Variants in OCA2 observed in about 807,000 individuals in gnomAD.
The protein encoded by OCA2 is P protein.
Under a neutral mutation model 100.2 loss-of-function variants are expected in OCA2, and 77 were observed. The ratio of observed to expected loss-of-function variants is 0.77; its 90% confidence interval spans 0.64 to 0.93. OCA2 has a LOEUF of 0.93. Among genes scored for constraint, OCA2 ranks in the 40% least tolerant of loss-of-function variants. The pLI, the probability that OCA2 is intolerant of heterozygous loss-of-function variation, is 0.00. For synonymous variants in OCA2, 432 were observed against 439.2 expected, an observed-to-expected ratio of 0.98 and a Z score of 0.21; for missense variants, 1,062 against 1,089.1, an observed-to-expected ratio of 0.98 and a Z score of 0.35.
intron 1 of OCA2, among the ~76,000 whole-genome samples, chr15:28,097,147 T>A (rs2045000761): frequency 6.6e-6 from 1 of 152,182 alleles, no homozygotes; most frequent in Non-Finnish European, 1.5e-5. Context: ...ATGCGCCTCC[T>A]GGCGCCTCAG....
rs573678989 is a variant in OCA2 at position 28,014,855 on chromosome 15, T to C, written c.965A>G (p.Tyr322Cys). 5.0e-6 allele frequency: 8 copies of C among 1,613,814 alleles called. No individual in the cohort carries two copies. In the South Asian group the frequency reaches 8.8e-5, roughly 18 times the overall value. The change falls in exon 9 of 24, where the codon TAC (tyrosine) becomes TGC (cysteine). Residue 322 changes from tyrosine (Y) to cysteine (C), a missense_variant. Physicochemically the swap from Tyr to Cys is radical, Grantham distance 194. Transcript: ENST00000354638. ...QAVPLLMAHQ[Y>C]LRGSVETQVT... ...CTGGGTTTCTACACTTCCGCGGAGGTACTGATGAGCCATCAAAAGAGGGAC... is the reference window on the plus strand; with the variant it reads ...CTGGGTTTCTACACTTCCGCGGAGGCACTGATGAGCCATCAAAAGAGGGAC...
chr15:27,811,220 G>A lies in OCA2; in HGVS notation c.2432+33739C>T, dbSNP rs372589094. On this transcript the variant is annotated intron_variant, in intron 23 of 23. Transcript: ENST00000354638. ...AAAAAATGTCTTTTGCAGCTACTTG[G>A]ATGGAGCTGGAGGCCATTATTCTAA... Among the ~76,000 whole-genome samples the A allele has an allele frequency of 4.8e-3, 732 of 152,272 alleles. 1 individual carries two copies. The highest frequency in any genetic ancestry group is 7.5e-3 in the Non-Finnish European group (513 of 68,020).
chr15:27,934,404 A>G (rs2140441248), intron 18 of OCA2, among the ~76,000 whole-genome samples: 1 of 152,292 alleles, frequency 6.6e-6, no homozygotes, highest in Non-Finnish European at 1.5e-5. Flanking sequence ...CAGAAGACAA[A>G]CAGACACTTG....
chr15:27,997,361 G>A (rs1408061411), intron 9 of OCA2, among the ~76,000 whole-genome samples: 1 of 151,904 alleles, frequency 6.6e-6, no homozygotes, highest in Non-Finnish European at 1.5e-5. Flanking sequence ...TGTATAAGGT[G>A]TAAGGAAGGG....
intron 23 of OCA2, among the ~76,000 whole-genome samples, chr15:27,824,303 G>C (rs2034615981): frequency 6.6e-6 from 1 of 152,080 alleles, no homozygotes; most frequent in African/African-American, 2.4e-5. Context: ...GGGAGGCAGA[G>C]GTTGCAGTGA....
At position 27,816,969 on chromosome 15, in the gene OCA2, T is replaced by TCTCC. The variant is rs1227705671; in HGVS notation, c.2432+27986_2432+27989dup. 3.9e-5 allele frequency among the ~76,000 whole-genome samples: 6 copies of TCTCC among 152,226 alleles called. No homozygotes were observed. In the East Asian group the frequency reaches 1.2e-3, roughly 29 times the overall value. ...GAGTTCAGGCCTCCCTTCCCCTATG[T>TCTCC]CTCCGCTCAGGTCAGGCGCTTCCTA... is the stretch of plus-strand genomic sequence containing the variant. On this transcript the variant is annotated intron_variant, in intron 23 of 23. Transcript: ENST00000354638.
chr15:27,831,284 C>CAA (rs71132824), intron 23 of OCA2, among the ~76,000 whole-genome samples: 1,808 of 62,480 alleles, frequency 0.029, 155 homozygotes, highest in African/African-American at 0.1. Context: ...GACTCCGTCT[C>CAA]AAAAAAAAAA....
At chr15:27,980,788 C>T (rs1030197328) in intron 14 of OCA2, among the ~76,000 whole-genome samples, 2 of 152,052 alleles carry the variant, frequency 1.3e-5, no homozygotes, top group Non-Finnish European at 2.9e-5. Context: ...ATGTCTTTTT[C>T]TTTGGAAACT....
chr15:27,965,237 T>C (rs997166064), intron 15 of OCA2, among the ~76,000 whole-genome samples: 6 of 152,110 alleles, frequency 3.9e-5, no homozygotes, highest in Admixed American at 3.9e-4. Context: ...TCTCCTTCAC[T>C]CTCCCTTAGT....
chr15:27,755,257 A>T lies in OCA2; in HGVS notation c.*131T>A. 1 of 709,482 alleles carries T rather than the reference A, an allele frequency of 1.4e-6. No homozygotes were observed. Among genetic ancestry groups the T allele is most frequent in the Non-Finnish European group, 2.6e-6 (1 of 386,208 alleles). The allele number at this position is 709,482 out of a possible 1,614,324, so 43.9% of individuals were successfully genotyped here. A position where few individuals can be genotyped will look rare whatever the true frequency, so the allele number is the denominator to read the frequency against. On this transcript the variant is annotated 3_prime_UTR_variant, in exon 24 of 24. Transcript: ENST00000354638. ...GAGTGTTAGTGTCAAGGTCTATTCC[A>T]CTGTGTCTCTGTAGCATCTCCAGGG...
At chr15:27,726,604 G>A in the OCA2 span, among the ~76,000 whole-genome samples, 2 of 152,132 alleles carry the variant, frequency 1.3e-5, no homozygotes, top group African/African-American at 2.4e-5. Flanking sequence ...TTGGGACAGC[G>A]GAGTGGAAGG....
rs528722208 is a variant in OCA2, at chr15:27,791,506, T to C, written c.2433-36034A>G. ...GGCCAGTGGTTGCTCGGGGGAAGGG[T>C]TGTCTACAAAGGAGCAGCATAGAGG... On this transcript the variant is annotated intron_variant, in intron 23 of 23. Coordinates refer to ENST00000354638, the MANE Select transcript of OCA2 (RefSeq NM_000275.3). Among the ~76,000 whole-genome samples, 15 of 152,140 alleles carry C rather than the reference T, an allele frequency of 9.9e-5. No homozygotes were observed. The South Asian group carries it at 2.3e-3, about 23-fold the overall frequency.
chr15:27,920,337 G>C (rs533447482), intron 19 of OCA2, among the ~76,000 whole-genome samples: 2 of 152,176 alleles, frequency 1.3e-5, no homozygotes, highest in African/African-American at 4.8e-5. Context: ...GCTAACATCA[G>C]ACAAAACTGA....
chr15:27,993,923 G>A (rs1355175728), intron 9 of OCA2, among the ~76,000 whole-genome samples: 1 of 152,164 alleles, frequency 6.6e-6, no homozygotes, highest in Non-Finnish European at 1.5e-5. Flanking sequence ...CATGGTTGTA[G>A]AAGAAGATGA....
intron 18 of OCA2, among the ~76,000 whole-genome samples, chr15:27,945,544 G>A (rs1324637060): frequency 6.6e-6 from 1 of 152,150 alleles, no homozygotes; most frequent in African/African-American, 2.4e-5. Flanking sequence ...GCCCCCAAGA[G>A]GCCCCAGTGT....
At chr15:27,885,347 G>A (rs2037181312) in intron 19 of OCA2, among the ~76,000 whole-genome samples, 1 of 152,074 alleles carries the variant, frequency 6.6e-6, no homozygotes, top group Non-Finnish European at 1.5e-5. Context: ...ATGTCCCACT[G>A]GCAGAGACAC....
intron 23 of OCA2, among the ~76,000 whole-genome samples, chr15:27,776,011 C>G (rs533476844): frequency 3.9e-5 from 6 of 152,382 alleles, no homozygotes; most frequent in African/African-American, 1.4e-4. Context: ...TTGAACGGAG[C>G]TACCTCCTGG....
At chr15:27,772,452 C>T (rs1234620990) in intron 23 of OCA2, among the ~76,000 whole-genome samples, 1 of 152,030 alleles carries the variant, frequency 6.6e-6, no homozygotes, top group East Asian at 1.9e-4. Context: ...GGAAAATATC[C>T]AGTTAGGAAA....
rs778004507 is a variant in OCA2, at chr15:27,844,978, A to T, written c.2413T>A (p.Ser805Thr). The change falls in exon 23 of 24, where the codon TCC becomes ACC. Residue 805 changes from serine to threonine, a missense_variant. Physicochemically the swap from Ser to Thr is moderately conservative, Grantham distance 58. Transcript: ENST00000354638. ...AAGTACCTGAAAAATTCCATGAAGG[A>T]GAACCCATATCCATGCTGTTCTGCA... ...GIAEQHGYGF[S>T]FMEFFRLGFP... 2 of 1,613,554 alleles carry T rather than the reference A, an allele frequency of 1.2e-6. No homozygotes were observed. Among genetic ancestry groups the T allele is most frequent in the East Asian group, 2.2e-5 (1 of 44,876 alleles).
Sources: allele counts gnomAD v4.1 joint callset (sites outside exome capture counted in the v4.1 genomes callset), GRCh38; gene constraint gnomAD v4.1.1; transcripts MANE v1.5; gene names NCBI Gene and HGNC (gene_info 2026-07-23, HGNC 2026-07-21).